The following FER variants were observed in gnomAD, a reference collection of about 807,000 sequenced individuals.
FER encodes FER tyrosine kinase.
FER carries 63 observed loss-of-function variants against 111.0 expected under a neutral mutation model. The ratio of observed to expected loss-of-function variants is 0.57; its 90% confidence interval spans 0.46 to 0.70. The LOEUF (loss-of-function observed/expected upper bound fraction) is 0.70. FER is among the 30% of genes least tolerant of loss of function. The pLI, the probability that FER is intolerant of heterozygous loss-of-function variation, is 0.00. For synonymous variants in FER, 327 were observed against 313.9 expected (o/e 1.04, Z -0.44); for missense variants, 914 against 954.0 (o/e 0.96, Z 0.55).
intron 13 of FER, among the ~76,000 whole-genome samples, chr5:109,032,866 T>C (rs1410679813): frequency 2.0e-5 from 3 of 152,208 alleles, no homozygotes; most frequent in Admixed American, 1.3e-4. Flanking sequence ...GTAATCATGA[T>C]ATATTAATAC....
At chr5:108,997,936 A>T (rs1169957524) in intron 13 of FER, among the ~76,000 whole-genome samples, 3 of 152,074 alleles carry the variant, frequency 2.0e-5, no homozygotes, top group Non-Finnish European at 2.9e-5. Flanking sequence ...TTACACTGTG[A>T]GGGTAAAACC....
intron 13 of FER, among the ~76,000 whole-genome samples, chr5:109,002,782 A>G (rs555084293): frequency 3.3e-5 from 5 of 152,340 alleles, no homozygotes; most frequent in African/African-American, 9.6e-5. Flanking sequence ...GAAAAAAACA[A>G]CCGCATCAAA....
chr5:108,963,849 T>C (rs1257193027), intron 13 of FER, among the ~76,000 whole-genome samples: 3 of 152,178 alleles, frequency 2.0e-5, no homozygotes, highest in Non-Finnish European at 4.4e-5. Context: ...AAGCGCTGTT[T>C]ACATTGTTAG....
In FER at chr5:109,100,527, G is replaced by A. The variant is rs757480752; in HGVS notation, c.2048+8G>A. The A allele has an allele frequency of 1.6e-5, 25 of 1,593,278 alleles. No individual in the cohort carries two copies. The highest frequency in any genetic ancestry group is 2.1e-5 in the Non-Finnish European group (24 of 1,170,352). Reference sequence around the variant, plus strand: ...TAAAAACTGTATACACAGGTAAGGAGAACATTTTTAAAGCAATTTTTGGTT... The same window carrying A: ...TAAAAACTGTATACACAGGTAAGGAAAACATTTTTAAAGCAATTTTTGGTT... On this transcript the variant is annotated splice_region_variant and intron_variant, in intron 17 of 19. Coordinates refer to ENST00000281092, the MANE Select transcript of FER (RefSeq NM_005246.4).
intron 13 of FER, among the ~76,000 whole-genome samples, chr5:108,995,429 C>G (rs954170871): frequency 9.9e-5 from 15 of 151,948 alleles, no homozygotes; most frequent in Admixed American, 5.2e-4. Context: ...CCCCCACCCC[C>G]CAACAGGCCC....
At chr5:108,768,464 T>G (rs191833904) in intron 2 of FER, among the ~76,000 whole-genome samples, 1 of 152,218 alleles carries the variant, frequency 6.6e-6, no homozygotes, top group South Asian at 2.1e-4. Context: ...CTAACACTTA[T>G]AATTAGCAGA....
intron 1 of FER, among the ~76,000 whole-genome samples, chr5:108,766,505 A>G (rs1260905902): frequency 6.6e-6 from 1 of 152,244 alleles, no homozygotes; most frequent in African/African-American, 2.4e-5. Flanking sequence ...TTAATTACAT[A>G]TAGATTAGAT....
intron 3 of FER, among the ~76,000 whole-genome samples, chr5:108,802,290 A>T (rs1756747116): frequency 6.6e-6 from 1 of 152,088 alleles, no homozygotes; most frequent in South Asian, 2.1e-4. Context: ...TTTGGGGAAA[A>T]TCTATATCTT....
chr5:108,906,153 A>G (rs1441150672), intron 10 of FER, among the ~76,000 whole-genome samples: 4 of 152,188 alleles, frequency 2.6e-5, no homozygotes, highest in African/African-American at 4.8e-5. Flanking sequence ...TGTTGCAGGA[A>G]TAGTTAAGTT....
intron 17 of FER, among the ~76,000 whole-genome samples, chr5:109,130,538 T>C (rs1463100830): frequency 6.6e-6 from 1 of 152,044 alleles, no homozygotes; most frequent in Non-Finnish European, 1.5e-5. Context: ...AATAAACAGA[T>C]GAAATTAGTT....
intron 10 of FER, among the ~76,000 whole-genome samples, chr5:108,937,283 TAGTACCATTCATTGAAATGGGA>T (rs1015202920): frequency 9.2e-5 from 14 of 151,982 alleles, no homozygotes; most frequent in African/African-American, 3.1e-4. Flanking sequence ...ACAGAGGTAG[TAGTACCATTCATTGAAATGGGA>T]AACTGATAAA....
rs527864235 is a variant in FER, at chr5:108,854,434, G to A, written c.482-13333G>A. On this transcript the variant is annotated intron_variant, in intron 5 of 19. Transcript: ENST00000281092. ...CTGCAAATTGTTTACAGTTGTGAAAGCTGAAACAAAAAGTGGAGCCTAACT... is the reference window on the plus strand; with the variant it reads ...CTGCAAATTGTTTACAGTTGTGAAAACTGAAACAAAAAGTGGAGCCTAACT... Among the ~76,000 whole-genome samples the A allele has an allele frequency of 4.6e-5, 7 of 152,268 alleles. No individual in the cohort carries two copies. In the East Asian group the frequency reaches 1.4e-3, roughly 29 times the overall value.
intron 13 of FER, among the ~76,000 whole-genome samples, chr5:109,034,798 G>C (rs1182011009): frequency 6.6e-6 from 1 of 152,052 alleles, no homozygotes; most frequent in East Asian, 1.9e-4. Flanking sequence ...CCAAGAATCA[G>C]TTTGCAACTT....
chr5:109,122,640 ATGG>A (rs200577292), intron 17 of FER, among the ~76,000 whole-genome samples: 2,777 of 152,074 alleles, frequency 0.018, 76 homozygotes, highest in African/African-American at 0.063. Context: ...TTCTGTATGG[ATGG>A]TATGTCCAAT....
chr5:108,845,067 TACACACAC>T (rs61156019), intron 5 of FER, among the ~76,000 whole-genome samples: 6 of 53,888 alleles, frequency 1.1e-4, no homozygotes, highest in African/African-American at 4.5e-4. Context: ...TATATATATA[TACACACAC>T]ACACACACAC....
chr5:109,030,942 G>T (rs903153715), intron 13 of FER, among the ~76,000 whole-genome samples: 1 of 152,046 alleles, frequency 6.6e-6, no homozygotes, highest in Non-Finnish European at 1.5e-5. Context: ...AAACAAAGAG[G>T]CCTCTTAGGC....
At chr5:108,778,205 G>T (rs1383430721) in intron 2 of FER, among the ~76,000 whole-genome samples, 1 of 152,152 alleles carries the variant, frequency 6.6e-6, no homozygotes. Flanking sequence ...CCTACTGAAA[G>T]ACATCTTGGT....
intron 17 of FER, among the ~76,000 whole-genome samples, chr5:109,165,594 G>A (rs953786876): frequency 6.7e-3 from 117 of 17,358 alleles, no homozygotes; most frequent in African/African-American, 0.03. Flanking sequence ...GAGGGAACTG[G>A]TGTGTGTGTG....
chr5:109,039,213 G>GTT (rs200232099), intron 14 of FER, among the ~76,000 whole-genome samples: 5 of 146,186 alleles, frequency 3.4e-5, no homozygotes, highest in African/African-American at 1.3e-4. Flanking sequence ...AACGCTGAGG[G>GTT]TTTTTTTTTT....
Sources: gnomAD v4.1 joint callset for allele counts (sites outside exome capture counted in the v4.1 genomes callset) on GRCh38, gnomAD v4.1.1 for gene constraint, MANE v1.5 for transcripts, NCBI Gene and HGNC (gene_info 2026-07-23, HGNC 2026-07-21) for gene names.